The following RGPD3 variants were observed in gnomAD, a reference collection of about 807,000 sequenced individuals.
RGPD3 encodes RANBP2 like and GRIP domain containing 3, also known as ranBP2-like and GRIP domain-containing protein 3.
In RGPD3, 62 loss-of-function variants were observed where a neutral mutation model predicts 154.5. That is an observed-to-expected ratio of 0.40 (90% CI 0.33 to 0.50). The LOEUF (loss-of-function observed/expected upper bound fraction) is 0.50. Among genes scored for constraint, RGPD3 ranks in the 20% least tolerant of loss-of-function variants. The pLI is 0.59. For missense variants in RGPD3, 919 were observed against 1,716.8 expected, an observed-to-expected ratio of 0.54 and a Z score of 8.21; for synonymous variants, 308 against 607.0, an observed-to-expected ratio of 0.51 and a Z score of 7.24.
upstream of RGPD3, among the ~76,000 whole-genome samples, chr2:106,470,368 G>T (rs1678783739): frequency 2.6e-5 from 4 of 152,342 alleles, no homozygotes; most frequent in Admixed American, 2.6e-4. Context: ...TCTACCTACA[G>T]ATATCCTACT....
intron 6 of RGPD3, among the ~76,000 whole-genome samples, chr2:106,450,696 A>T (rs1678086642): frequency 1.6e-5 from 1 of 61,616 alleles, no homozygotes; most frequent in Non-Finnish European, 2.6e-5. Flanking sequence ...ACAGAGCGAG[A>T]CTCTGTCTCA....
At chr2:106,464,549 A>AGCAGCCTGG (rs1678506736) in intron 1 of RGPD3, among the ~76,000 whole-genome samples, 1 of 150,356 alleles carries the variant, frequency 6.7e-6, no homozygotes, top group African/African-American at 2.5e-5. Flanking sequence ...AAATTTGATG[A>AGCAGCCTGG]GCAACACAGC....
chr2:106,438,022 C>A (rs1677620966), intron 9 of RGPD3, among the ~76,000 whole-genome samples: 1 of 152,224 alleles, frequency 6.6e-6, no homozygotes, highest in African/African-American at 2.4e-5. Flanking sequence ...ACCTCCACCT[C>A]CCGGTTGAAG....
chr2:106,403,706 T>C lies in RGPD3; in HGVS notation c.*1513A>G, dbSNP rs1366039405. ...TAAACTCTTCATGTCGGCTCTGAAA[T>C]AGATGCATTTTCATTCATACATTCG... On this transcript the variant is annotated 3_prime_UTR_variant, in exon 23 of 23. Coordinates refer to ENST00000409886, the MANE Select transcript of RGPD3 (RefSeq NM_001144013.2). Among the ~76,000 whole-genome samples the C allele has an allele frequency of 6.6e-6, 1 of 152,274 alleles. No individual in the cohort carries two copies. The highest frequency in any genetic ancestry group is 1.5e-5 in the Non-Finnish European group (1 of 68,054).
In RGPD3 at chr2:106,436,370, A is replaced by G. The variant is rs745551234; in HGVS notation, c.1634+44T>C. Reference sequence around the variant, plus strand: ...ACACGAGGATTAAATCCCCGGTAAAACCTACGCACTAAGTGAAAGCAATAT... The same window carrying G: ...ACACGAGGATTAAATCCCCGGTAAAGCCTACGCACTAAGTGAAAGCAATAT... On this transcript the variant is annotated intron_variant, in intron 11 of 22. Coordinates refer to ENST00000409886, the MANE Select transcript of RGPD3 (RefSeq NM_001144013.2). The G allele has an allele frequency of 6.2e-6, 10 of 1,609,380 alleles. No individual in the cohort carries two copies. In the African/African-American group the frequency reaches 1.3e-4, roughly 22 times the overall value.
At chr2:106,444,624 C>T (rs1677850981) in intron 7 of RGPD3, among the ~76,000 whole-genome samples, 3 of 129,752 alleles carry the variant, frequency 2.3e-5, no homozygotes, top group East Asian at 2.2e-4. Flanking sequence ...AGTTCAAGAC[C>T]AACCAGCCTG....
intron 21 of RGPD3, among the ~76,000 whole-genome samples, 176 bp downstream of exon 21, chr2:106,415,674 C>CAAAAAAAA (rs879163469): frequency 2.2e-5 from 1 of 44,754 alleles, no homozygotes; most frequent in East Asian, 7.6e-4. Context: ...AAGACTGTCT[C>CAAAAAAAA]AAAAAAAAAA....
chr2:106,412,641 A>G (rs1262386409), intron 22 of RGPD3: 8 of 357,690 alleles, frequency 2.2e-5, no homozygotes, highest in South Asian at 4.3e-5. Context: ...ATTTGCCTAG[A>G]AAGTGGACTG....
In RGPD3 at chr2:106,418,089, C is replaced by T. The variant is rs751742604; in HGVS notation, c.4925-2100G>A. On this transcript the variant is annotated intron_variant, in intron 20 of 22. Coordinates refer to ENST00000409886, the MANE Select transcript of RGPD3 (RefSeq NM_001144013.2). Reference sequence around the variant, plus strand: ...GTTGTAGTGAGCCAAGATCACGCCACTGCACTTCAGCCTGGTGACAGAGCA... The same window carrying T: ...GTTGTAGTGAGCCAAGATCACGCCATTGCACTTCAGCCTGGTGACAGAGCA... 2.1e-5 allele frequency among the ~76,000 whole-genome samples: 3 copies of T among 144,474 alleles called. 1 individual carries two copies. The highest frequency in any genetic ancestry group is 4.5e-5 in the Non-Finnish European group (3 of 66,342). 94.8% of individuals were successfully genotyped at this position (144,474 alleles called of 152,430 possible). A position where few individuals can be genotyped will look rare whatever the true frequency, so the allele number is the denominator to read the frequency against.
chr2:106,460,288 T>C (rs576400568), intron 1 of RGPD3, among the ~76,000 whole-genome samples: 73 of 150,520 alleles, frequency 4.8e-4, no homozygotes, highest in East Asian at 1.4e-3. Context: ...ACCAGCTTTC[T>C]TTGGGGAGGA....
intron 1 of RGPD3, among the ~76,000 whole-genome samples, chr2:106,463,471 T>G (rs1436927872): frequency 1.3e-5 from 2 of 151,444 alleles, no homozygotes; most frequent in African/African-American, 4.8e-5. Flanking sequence ...CAAGACTCTG[T>G]CCCAAAACAA....
At chr2:106,438,244 G>A (rs1176521667) in intron 9 of RGPD3, among the ~76,000 whole-genome samples, 4 of 152,078 alleles carry the variant, frequency 2.6e-5, no homozygotes, top group African/African-American at 9.7e-5. Context: ...CAACACTTTG[G>A]GGGGCTTAGG....
intron 20 of RGPD3, among the ~76,000 whole-genome samples, chr2:106,418,300 G>A (rs1205321564): frequency 6.7e-6 from 1 of 148,536 alleles, no homozygotes; most frequent in African/African-American, 2.5e-5. Flanking sequence ...CCAAACTACT[G>A]CTAAATACTG....
At chr2:106,437,501 G>A (rs1428627677) in intron 9 of RGPD3, among the ~76,000 whole-genome samples, 3 of 152,020 alleles carry the variant, frequency 2.0e-5, no homozygotes, top group African/African-American at 7.3e-5. Flanking sequence ...GACAGAGCGA[G>A]ACTCTGTCTC....
At position 106,457,654 on chromosome 2, in the gene RGPD3, C is replaced by G. The variant is rs1678274886; in HGVS notation, c.165G>C (p.Val55=). ...TGTGAGCTCTGGGATCCATCTCTCG[C>G]ACATTAATGTAAGTACATATGTATC... ...AKKYICTYIN[V]REMDPRAHRF... Residue 55 remains valine, a synonymous_variant, in exon 3 of 23, where the codon GTG becomes GTC. Coordinates refer to ENST00000409886, the MANE Select transcript of RGPD3 (RefSeq NM_001144013.2). 8.2e-7 allele frequency: 1 copy of G among 1,218,802 alleles called. No homozygotes were observed. Among genetic ancestry groups the G allele is most frequent in the East Asian group, 2.6e-5 (1 of 38,394 alleles). The allele number at this position is 1,218,802 out of a possible 1,614,324, so 75.5% of individuals were successfully genotyped here.
At chr2:106,449,610 G>C (rs1238145895) in intron 6 of RGPD3, among the ~76,000 whole-genome samples, 1 of 152,012 alleles carries the variant, frequency 6.6e-6, no homozygotes, top group Non-Finnish European at 1.5e-5. Context: ...GGGTGCAGTG[G>C]CTCAGACCTG....
intron 7 of RGPD3, among the ~76,000 whole-genome samples, chr2:106,441,588 C>T (rs1022182190): frequency 3.5e-4 from 53 of 151,586 alleles, no homozygotes; most frequent in Non-Finnish European, 7.1e-4. Context: ...TGGTGGCTCA[C>T]ACCTGTAATC....
intron 22 of RGPD3, among the ~76,000 whole-genome samples, chr2:106,408,682 T>C (rs1278933632): frequency 1.3e-5 from 2 of 150,664 alleles, no homozygotes; most frequent in African/African-American, 4.9e-5. Context: ...ATTTCTTAAT[T>C]TTTTTTTAAA....
At position 106,405,153 on chromosome 2, in the gene RGPD3, A is replaced by G; in HGVS notation, c.*66T>C. On this transcript the variant is annotated 3_prime_UTR_variant, in exon 23 of 23. Coordinates refer to ENST00000409886, the MANE Select transcript of RGPD3 (RefSeq NM_001144013.2). ...TTTGGTTAATAAAAACATTCCTTCC[A>G]TCAACCTATCGAAGTCCAAACCAAC... The G allele has an allele frequency of 2.5e-6, 4 of 1,601,826 alleles. No individual in the cohort carries two copies. Among genetic ancestry groups the G allele is most frequent in the Non-Finnish European group, 3.4e-6 (4 of 1,174,018 alleles).
Sources: gnomAD v4.1 joint callset for allele counts (sites outside exome capture counted in the v4.1 genomes callset) on GRCh38, gnomAD v4.1.1 for gene constraint, MANE v1.5 for transcripts, NCBI Gene and HGNC (gene_info 2026-07-23, HGNC 2026-07-21) for gene names.